Variants in ZSWIM2 observed in about 807,000 individuals in gnomAD.
The protein encoded by ZSWIM2 is zinc finger SWIM-type containing 2.
In ZSWIM2, 38 loss-of-function variants were observed where a neutral mutation model predicts 48.4. The observed-to-expected ratio is 0.79, with a 90% CI of 0.61 to 1.03. The LOEUF is 1.03. Among genes scored for constraint, ZSWIM2 ranks in the 50% least tolerant of loss-of-function variants. The pLI is 0.00. For missense variants in ZSWIM2, 776 were observed against 730.2 expected, an observed-to-expected ratio of 1.06 and a Z score of -0.72; for synonymous variants, 240 against 251.3, an observed-to-expected ratio of 0.96 and a Z score of 0.42.
chr2:186,842,281 T>C (rs982094246), intron 3 of ZSWIM2, among the ~76,000 whole-genome samples: 10 of 151,374 alleles, frequency 6.6e-5, no homozygotes, highest in African/African-American at 2.4e-4. Flanking sequence ...CTAGCTTTAA[T>C]TTAAATGATA....
chr2:186,846,434 T>G (rs61626504), intron 2 of ZSWIM2, among the ~76,000 whole-genome samples: 22,116 of 151,658 alleles, frequency 0.15, 2,521 homozygotes, highest in African/African-American at 0.33. Context: ...CAATGAGATA[T>G]CATCTTATAC....
chr2:186,839,766 G>C (rs1309725442), intron 3 of ZSWIM2, among the ~76,000 whole-genome samples: 1 of 151,358 alleles, frequency 6.6e-6, no homozygotes, highest in Non-Finnish European at 1.5e-5. Context: ...TGCACCATTG[G>C]GATGTGCATT....
chr2:186,834,337 C>T (rs577303627), intron 5 of ZSWIM2, among the ~76,000 whole-genome samples: 51 of 152,196 alleles, frequency 3.4e-4, no homozygotes, highest in African/African-American at 1.2e-3. Flanking sequence ...GAATCTATTT[C>T]CTTGCTCTTT....
chr2:186,837,355 T>C lies in ZSWIM2; in HGVS notation c.694A>G (p.Ile232Val). Reference sequence around the variant, plus strand: ...AACTGTTTGCAGTTATTACAGGGAATCCCAAGGTGTTTGTCCAGTCTCTCT... The same window carrying C: ...AACTGTTTGCAGTTATTACAGGGAACCCCAAGGTGTTTGTCCAGTCTCTCT... ...EKERLDKHLG[I>V]PCNNCKQFPI... Residue 232 changes from isoleucine (I) to valine (V), a missense_variant, in exon 5 of 9, where the codon ATT (isoleucine) becomes GTT (valine). Transcript: ENST00000295131. 2 of 1,612,970 alleles carry C rather than the reference T, an allele frequency of 1.2e-6. No individual in the cohort carries two copies. The highest frequency in any genetic ancestry group is 1.7e-5 in the Admixed American group (1 of 59,898).
At chr2:186,848,783 C>A (rs1157811814) in intron 1 of ZSWIM2, 183 bp downstream of exon 1, 2 of 716,548 alleles carry the variant, frequency 2.8e-6, no homozygotes, top group Admixed American at 2.8e-5. Context: ...CTAATAAATA[C>A]TATTTCCTTC....
intron 7 of ZSWIM2, 113 bp downstream of exon 7, chr2:186,833,007 G>A (rs576881812): frequency 2.8e-5 from 13 of 460,996 alleles, no homozygotes; most frequent in African/African-American, 2.1e-5. Flanking sequence ...TAGTATCTAA[G>A]TGCTTAATAA....
In ZSWIM2 at chr2:186,846,054, CT is replaced by C. The variant is rs1438206427; in HGVS notation, c.243-1298del. Among the ~76,000 whole-genome samples the C allele has an allele frequency of 1.3e-4, 20 of 151,870 alleles. No homozygotes were observed. The East Asian group carries it at 3.7e-3, about 28-fold the overall frequency. On this transcript the variant is annotated intron_variant, in intron 2 of 8. Coordinates refer to ENST00000295131, the MANE Select transcript of ZSWIM2 (RefSeq NM_182521.3). ...ACTCTTGAAGAAAAACTAGGAAACT[CT>C]TCTGGACATTGGCCTGGGCAAAGAA...
rs906941060 is a variant in ZSWIM2 at position 186,833,246 on chromosome 2, A to G, written c.829-14T>C. On this transcript the variant is annotated splice_polypyrimidine_tract_variant and intron_variant, in intron 6 of 8. Transcript: ENST00000295131. ...TTGGTTTCTTTTCTGTAATAGGTAA[A>G]AGTAGATGTTACTTTGCAAAGTCGT... is the stretch of plus-strand genomic sequence containing the variant. The G allele has an allele frequency of 7.6e-7, 1 of 1,316,274 alleles. No homozygotes were observed. Among genetic ancestry groups the G allele is most frequent in the Non-Finnish European group, 1.0e-6 (1 of 956,762 alleles). The allele number at this position is 1,316,274 out of a possible 1,614,324, so 81.5% of individuals were successfully genotyped here. A position where few individuals can be genotyped will look rare whatever the true frequency, so the allele number is the denominator to read the frequency against.
intron 4 of ZSWIM2, among the ~76,000 whole-genome samples, 180 bp from the exon 5 acceptor site, chr2:186,837,734 A>G (rs1691824142): frequency 1.3e-5 from 2 of 150,282 alleles, no homozygotes; most frequent in African/African-American, 4.9e-5. Context: ...ACACACACAC[A>G]CTCACTCATT....
intron 1 of ZSWIM2, among the ~76,000 whole-genome samples, chr2:186,848,318 T>A (rs1369592147): frequency 1.3e-5 from 2 of 152,212 alleles, no homozygotes; most frequent in African/African-American, 4.8e-5. Flanking sequence ...GTAAATTGCA[T>A]TCAATTCTTA....
intron 5 of ZSWIM2, among the ~76,000 whole-genome samples, chr2:186,835,451 G>T (rs1416102116): frequency 6.6e-6 from 1 of 152,154 alleles, no homozygotes; most frequent in Non-Finnish European, 1.5e-5. Flanking sequence ...CATCTTAAAA[G>T]AAGCAACTGC....
intron 7 of ZSWIM2, 111 bp from the exon 8 acceptor site, chr2:186,829,991 T>A: frequency 1.8e-6 from 2 of 1,092,538 alleles, no homozygotes; most frequent in Non-Finnish European, 2.6e-6. Context: ...GAACCCTAGG[T>A]TTTCTTGAAC....
At chr2:186,841,946 C>A (rs916583555) in intron 3 of ZSWIM2, among the ~76,000 whole-genome samples, 1 of 151,160 alleles carries the variant, frequency 6.6e-6, no homozygotes, top group Non-Finnish European at 1.5e-5. Flanking sequence ...TTAAAAGGAA[C>A]TATCAGGTGG....
At chr2:186,836,333 A>C (rs1194690706) in intron 5 of ZSWIM2, among the ~76,000 whole-genome samples, 1 of 152,086 alleles carries the variant, frequency 6.6e-6, no homozygotes, top group East Asian at 1.9e-4. Flanking sequence ...CCTTATTAAA[A>C]ATTTATAAAA....
chr2:186,837,079 C>T (rs547621681), intron 5 of ZSWIM2, among the ~76,000 whole-genome samples: 5 of 152,170 alleles, frequency 3.3e-5, no homozygotes, highest in Admixed American at 2.6e-4. Flanking sequence ...GACCAGAGCT[C>T]AAACCAATAC....
rs763959472 is a variant in ZSWIM2, at chr2:186,837,449, C to T, written c.600G>A (p.Glu200=). The T allele has an allele frequency of 1.9e-5, 31 of 1,612,524 alleles. No individual in the cohort carries two copies. Among genetic ancestry groups the T allele is most frequent in the Non-Finnish European group, 2.0e-5 (24 of 1,179,200 alleles). Residue 200 remains glutamate (E), a synonymous_variant, in exon 5 of 9, where the codon GAG becomes GAA. Coordinates refer to ENST00000295131, the MANE Select transcript of ZSWIM2 (RefSeq NM_182521.3). ...SMLKCPLCRK[E]FAPLKLILEE... The stretch of plus-strand genomic sequence containing the variant: ...CCAAAATCAGTTTTAATGGTGCAAA[C>T]TCTTTCCTGCACAGAGGACATTTCA...
intron 5 of ZSWIM2, among the ~76,000 whole-genome samples, chr2:186,835,162 ATAT>A (rs1388686288): frequency 6.6e-6 from 1 of 152,130 alleles, no homozygotes; most frequent in Non-Finnish European, 1.5e-5. Flanking sequence ...AATAAAAATT[ATAT>A]TATTTTTTCC....
intron 4 of ZSWIM2, 60 bp from the exon 5 acceptor site, chr2:186,837,614 ATATATATATATATAT>A (rs1414814233): frequency 1.2e-5 from 2 of 164,466 alleles, no homozygotes; most frequent in East Asian, 1.6e-4. Flanking sequence ...TATCCATTGT[ATATATATATATATAT>A]TATATATATA....
Position 186,839,000 on chromosome 2 carries a change from T to G in ZSWIM2, c.453A>C (p.Gln151His). ...GAAGCTTTTTCTCTAAAAGTAGCTCTTGACAAATAGAGCAGATATCCTCTG... is the reference window on the plus strand; with the variant it reads ...GAAGCTTTTTCTCTAAAAGTAGCTCGTGACAAATAGAGCAGATATCCTCTG... ...IDSEDICSIC[Q>H]ELLLEKKLPV... Residue 151 changes from glutamine (Q) to histidine (H), a missense_variant, in exon 4 of 9, where the codon CAA (glutamine) becomes CAC (histidine). Physicochemically the swap from Gln to His is conservative, Grantham distance 24 (BLOSUM62 0). Coordinates refer to ENST00000295131, the MANE Select transcript of ZSWIM2 (RefSeq NM_182521.3). 6.2e-7 allele frequency: 1 copy of G among 1,610,680 alleles called. No individual in the cohort carries two copies. Among genetic ancestry groups the G allele is most frequent in the Non-Finnish European group, 8.5e-7 (1 of 1,177,762 alleles).
Sources: allele counts gnomAD v4.1 joint callset (sites outside exome capture counted in the v4.1 genomes callset), GRCh38; gene constraint gnomAD v4.1.1; transcripts MANE v1.5; gene names NCBI Gene and HGNC (gene_info 2026-07-23, HGNC 2026-07-21).